UBE2E2: variants seen among roughly 807,000 people sequenced by gnomAD.
The protein encoded by UBE2E2 is ubiquitin conjugating enzyme E2 E2.
Under a neutral mutation model 24.7 loss-of-function variants are expected in UBE2E2, and 6 were observed. The ratio of observed to expected loss-of-function variants is 0.24; its 90% CI spans 0.13 to 0.48. The LOEUF (loss-of-function observed/expected upper bound fraction) is 0.48. Ranked by LOEUF, UBE2E2 falls within the 20% of genes least tolerant of loss-of-function variation. UBE2E2 has a pLI of 0.99. For synonymous variants in UBE2E2, 104 were observed against 83.6 expected (o/e 1.24, Z -1.33); for missense variants, 169 against 245.0 (o/e 0.69, Z 2.07).
At chr3:23,478,896 A>ATTTTTT (rs5847235) in intron 3 of UBE2E2, among the ~76,000 whole-genome samples, 1 of 120,448 alleles carries the variant, frequency 8.3e-6, no homozygotes, top group African/African-American at 2.7e-5. Flanking sequence ...ATATATATAT[A>ATTTTTT]TTTTTTTTTT....
chr3:23,270,145 C>G (rs926584223), intron 3 of UBE2E2, among the ~76,000 whole-genome samples: 31 of 123,534 alleles, frequency 2.5e-4, no homozygotes, highest in South Asian at 5.5e-4. Context: ...TTTCCACCCC[C>G]CTCCTCCTTT....
intron 2 of UBE2E2, among the ~76,000 whole-genome samples, chr3:23,214,428 A>AT (rs1191710599): frequency 6.6e-6 from 1 of 151,806 alleles, no homozygotes; most frequent in Non-Finnish European, 1.5e-5. Flanking sequence ...AGTTTCCTGA[A>AT]TTTTTTGTAG....
chr3:23,582,715 T>G (rs1166310651), intron 5 of UBE2E2, among the ~76,000 whole-genome samples: 1 of 152,216 alleles, frequency 6.6e-6, no homozygotes, highest in Non-Finnish European at 1.5e-5. Flanking sequence ...AAATGTCTGT[T>G]CATGTCCTTT....
intron 3 of UBE2E2, among the ~76,000 whole-genome samples, chr3:23,436,325 G>C (rs778498): frequency 0.54 from 82,685 of 151,996 alleles, 22,859 homozygotes; most frequent in South Asian, 0.6. Flanking sequence ...GGTTCATTCT[G>C]CTGTTCCATG....
At chr3:23,413,502 A>G (rs992080813) in intron 3 of UBE2E2, among the ~76,000 whole-genome samples, 2 of 152,008 alleles carry the variant, frequency 1.3e-5, no homozygotes, top group Non-Finnish European at 1.5e-5. Flanking sequence ...GCCAGTCTGT[A>G]CTTTATTTCC....
At chr3:23,522,281 C>T (rs546610504) in intron 4 of UBE2E2, among the ~76,000 whole-genome samples, 1 of 152,026 alleles carries the variant, frequency 6.6e-6, no homozygotes, top group Non-Finnish European at 1.5e-5. Flanking sequence ...CAGGCGCCCG[C>T]CACCACGCCC....
At chr3:23,265,768 T>C (rs1698031437) in intron 3 of UBE2E2, among the ~76,000 whole-genome samples, 1 of 152,172 alleles carries the variant, frequency 6.6e-6, no homozygotes, top group South Asian at 2.1e-4. Context: ...CCATTGTTAT[T>C]GTGTGGGAGT....
At chr3:23,263,369 T>G (rs181259833) in intron 3 of UBE2E2, among the ~76,000 whole-genome samples, 1 of 152,256 alleles carries the variant, frequency 6.6e-6, no homozygotes. Flanking sequence ...AGTTGAACTT[T>G]AAAAGTAATT....
rs564756040 is a variant in UBE2E2, at chr3:23,480,774, G to A, written c.228-18834G>A. ...AACTTTCCAGTAACTGAAGGGCATT[G>A]ACAAAATGGTTTTTTGAACAGAAAT... On this transcript the variant is annotated intron_variant, in intron 3 of 5. Coordinates refer to ENST00000396703, the MANE Select transcript of UBE2E2 (RefSeq NM_152653.4). 2.6e-4 allele frequency among the ~76,000 whole-genome samples: 39 copies of A among 152,286 alleles called. No individual in the cohort carries two copies. In the South Asian group the frequency reaches 8.1e-3, roughly 32 times the overall value.
chr3:23,404,158 G>A (rs1203779436), intron 3 of UBE2E2, among the ~76,000 whole-genome samples: 3 of 152,034 alleles, frequency 2.0e-5, no homozygotes, highest in East Asian at 3.9e-4. Context: ...ACACACATAT[G>A]TACACATTCA....
chr3:23,523,033 T>A (rs983419536), intron 4 of UBE2E2, among the ~76,000 whole-genome samples: 1 of 151,830 alleles, frequency 6.6e-6, no homozygotes, highest in African/African-American at 2.4e-5. Flanking sequence ...ACAAAATAAT[T>A]GTGTAAAGAT....
intron 5 of UBE2E2, among the ~76,000 whole-genome samples, chr3:23,539,656 T>C (rs1369835237): frequency 6.6e-6 from 1 of 152,198 alleles, no homozygotes; most frequent in Non-Finnish European, 1.5e-5. Flanking sequence ...GTAAATCCCT[T>C]AGAGTGGGAA....
At chr3:23,497,899 C>T (rs1218302578) in intron 3 of UBE2E2, among the ~76,000 whole-genome samples, 1 of 152,182 alleles carries the variant, frequency 6.6e-6, no homozygotes, top group East Asian at 1.9e-4. Flanking sequence ...ATTACTCATA[C>T]TCATCAGCAG....
chr3:23,271,689 T>A (rs989867258), intron 3 of UBE2E2, among the ~76,000 whole-genome samples: 3 of 152,126 alleles, frequency 2.0e-5, no homozygotes, highest in Non-Finnish European at 4.4e-5. Context: ...ATGTAAAAGT[T>A]CTCCAAGTCC....
intron 3 of UBE2E2, among the ~76,000 whole-genome samples, chr3:23,396,712 C>A (rs1187100111): frequency 6.6e-6 from 1 of 152,000 alleles, no homozygotes; most frequent in Non-Finnish European, 1.5e-5. Context: ...ATAGTAACTT[C>A]TTCATAGGAG....
chr3:23,443,896 C>T (rs1469636708), intron 3 of UBE2E2, among the ~76,000 whole-genome samples: 1 of 152,110 alleles, frequency 6.6e-6, no homozygotes, highest in East Asian at 1.9e-4. Context: ...AGGTTATGTG[C>T]AATCAGTAAC....
chr3:23,524,645 T>C (rs1166273990), intron 4 of UBE2E2, among the ~76,000 whole-genome samples: 2 of 152,154 alleles, frequency 1.3e-5, no homozygotes, highest in African/African-American at 4.8e-5. Flanking sequence ...CCTCTTGTTT[T>C]GTTAGGAAAG....
At chr3:23,547,793 T>C (rs536173961) in intron 5 of UBE2E2, among the ~76,000 whole-genome samples, 3 of 152,190 alleles carry the variant, frequency 2.0e-5, no homozygotes, top group Admixed American at 6.5e-5. Context: ...GTCACATTCT[T>C]TTTTCAGGTC....
At chr3:23,247,218 A>C (rs1361388053) in intron 3 of UBE2E2, among the ~76,000 whole-genome samples, 1 of 152,096 alleles carries the variant, frequency 6.6e-6, no homozygotes, top group Non-Finnish European at 1.5e-5. Flanking sequence ...TTTTATTCCA[A>C]TTTATTAATT....
Sources: gnomAD v4.1 joint callset for allele counts (sites outside exome capture counted in the v4.1 genomes callset) on GRCh38, gnomAD v4.1.1 for gene constraint, MANE v1.5 for transcripts, NCBI Gene and HGNC (gene_info 2026-07-23, HGNC 2026-07-21) for gene names.